The following TFB1M variants were observed in gnomAD, a reference collection of about 807,000 sequenced individuals.
TFB1M encodes the protein transcription factor B1, mitochondrial.
A neutral mutation model predicts 31.1 loss-of-function variants in TFB1M; 27 were observed. The observed-to-expected ratio is 0.87, with a 90% CI of 0.64 to 1.20. TFB1M has a LOEUF of 1.20. Ranked by LOEUF, TFB1M falls within the 50% of genes most tolerant of loss-of-function variation. The pLI, the probability that TFB1M is intolerant of heterozygous loss-of-function variation, is 0.00. For missense variants in TFB1M, 394 were observed against 418.7 expected, an observed-to-expected ratio of 0.94 and a Z score of 0.51; for synonymous variants, 166 against 151.8, an observed-to-expected ratio of 1.09 and a Z score of -0.69.
At chr6:155,273,326 G>GT (rs1196161921) in intron 5 of TFB1M, among the ~76,000 whole-genome samples, 1 of 152,108 alleles carries the variant, frequency 6.6e-6, no homozygotes, top group Non-Finnish European at 1.5e-5. Flanking sequence ...TTCTAAAATG[G>GT]TAAGATTTAC....
intron 5 of TFB1M, among the ~76,000 whole-genome samples, chr6:155,281,644 C>A (rs190709584): frequency 4.0e-5 from 6 of 148,568 alleles, no homozygotes; most frequent in Admixed American, 1.4e-4. Context: ...ATCATTTGAA[C>A]CCAGAAGGTG....
At chr6:155,299,640 T>C (rs1291558401) in intron 2 of TFB1M, 2 of 152,200 alleles carry the variant, frequency 1.3e-5, no homozygotes, top group African/African-American at 2.4e-5. Context: ...GCCAAGATTC[T>C]AGAATGTGCC....
chr6:155,251,954 G>A (rs780771831), downstream of TFB1M: 1 of 1,603,960 alleles, frequency 6.2e-7, no homozygotes, highest in South Asian at 1.1e-5. Context: ...GTTTTTAAGA[G>A]AGCCGTCATA....
At chr6:155,234,751 G>T in the TFB1M span, among the ~76,000 whole-genome samples, 1 of 152,202 alleles carries the variant, frequency 6.6e-6, no homozygotes, top group Non-Finnish European at 1.5e-5. Context: ...GGTGGAATAG[G>T]CTCAATAGAT....
chr6:155,252,063 C>T (rs111273707), downstream of TFB1M: 2,750 of 1,397,070 alleles, frequency 2.0e-3, 35 homozygotes, highest in African/African-American at 0.029. Flanking sequence ...TTCCTATTAA[C>T]GTTGAACTGA....
Position 155,256,616 on chromosome 6 carries a change from CG to C in TFB1M, c.*1219del. ...GGCACCCAGAGCAGCGGCTGCCCCA[CG>C]GCTGAGGGCAGGCAGGACTCCAAGA... is the stretch of plus-strand genomic sequence containing the variant. On this transcript the variant is annotated 3_prime_UTR_variant, in exon 7 of 7. Coordinates refer to ENST00000367166, the MANE Select transcript of TFB1M (RefSeq NM_016020.4). 6.2e-7 allele frequency: 1 copy of C among 1,614,126 alleles called. No individual in the cohort carries two copies. The highest frequency in any genetic ancestry group is 8.5e-7 in the Non-Finnish European group (1 of 1,180,022).
chr6:155,288,542 A>G (rs1307899193), intron 4 of TFB1M, among the ~76,000 whole-genome samples: 1 of 152,238 alleles, frequency 6.6e-6, no homozygotes, highest in Non-Finnish European at 1.5e-5. Flanking sequence ...AAATTTTAAT[A>G]TCCAACTGGC....
chr6:155,231,121 C>T, the TFB1M span, among the ~76,000 whole-genome samples: 9 of 152,208 alleles, frequency 5.9e-5, no homozygotes, highest in South Asian at 6.2e-4. Flanking sequence ...GGATTATAGG[C>T]GTGAGCCACT....
chr6:155,231,812 C>T, the TFB1M span, among the ~76,000 whole-genome samples: 5 of 152,232 alleles, frequency 3.3e-5, no homozygotes, highest in South Asian at 2.1e-4. Context: ...TGGTGGCTTG[C>T]GCCTGTAATC....
chr6:155,255,994 A>G (rs536847813), downstream of TFB1M: 47 of 194,674 alleles, frequency 2.4e-4, 1 homozygote, highest in South Asian at 3.2e-3. Flanking sequence ...TGGGTGGCAG[A>G]GCAAGACACT....
At chr6:155,307,121 C>T (rs983238698) in intron 2 of TFB1M, among the ~76,000 whole-genome samples, 1 of 138,070 alleles carries the variant, frequency 7.2e-6, no homozygotes, top group African/African-American at 2.7e-5. Context: ...AGAGTGAGAC[C>T]ATGTCTCAAA....
chr6:155,266,802 G>A (rs1381116887), intron 5 of TFB1M, among the ~76,000 whole-genome samples: 3 of 135,788 alleles, frequency 2.2e-5, no homozygotes, highest in East Asian at 2.3e-4. Context: ...AGCTGAGATC[G>A]TGCCACTGCA....
chr6:155,299,836 C>A (rs1777346703), intron 2 of TFB1M, among the ~76,000 whole-genome samples: 1 of 152,164 alleles, frequency 6.6e-6, no homozygotes, highest in Non-Finnish European at 1.5e-5. Flanking sequence ...GACACTGGAC[C>A]AAGAAACATG....
the TFB1M span, among the ~76,000 whole-genome samples, chr6:155,237,090 C>T: frequency 4.6e-5 from 7 of 152,350 alleles, no homozygotes; most frequent in African/African-American, 1.7e-4. Context: ...AAATCAAAAG[C>T]AAGTTAGTTA....
intron 4 of TFB1M, 150 bp from the exon 5 acceptor site, chr6:155,285,427 A>C: frequency 1.2e-6 from 1 of 830,462 alleles, no homozygotes. Flanking sequence ...ACACACAGCA[A>C]ACATGGGGAA....
the TFB1M span, among the ~76,000 whole-genome samples, chr6:155,235,934 T>C: frequency 0.14 from 20,751 of 152,216 alleles, 1,639 homozygotes; most frequent in Non-Finnish European, 0.19. Context: ...TCTCACCAGA[T>C]GCCATTTAAC....
At chr6:155,274,642 C>T (rs1376420524) in intron 5 of TFB1M, among the ~76,000 whole-genome samples, 2 of 152,166 alleles carry the variant, frequency 1.3e-5, no homozygotes, top group East Asian at 1.9e-4. Flanking sequence ...GTACCAGGCA[C>T]CTGAAGTAAA....
chr6:155,296,639 G>A (rs770905991), intron 4 of TFB1M, among the ~76,000 whole-genome samples: 12 of 152,020 alleles, frequency 7.9e-5, no homozygotes, highest in Non-Finnish European at 1.2e-4. Flanking sequence ...AAGGTATCAC[G>A]TGCCAATCCT....
At chr6:155,310,750 AC>A in intron 2 of TFB1M, 1 of 172,436 alleles carries the variant, frequency 5.8e-6, no homozygotes, top group East Asian at 1.5e-4. Flanking sequence ...ATGATGACAA[AC>A]GTGCATATGT....
Sources: gnomAD v4.1 joint callset for allele counts (sites outside exome capture counted in the v4.1 genomes callset) on GRCh38, gnomAD v4.1.1 for gene constraint, MANE v1.5 for transcripts, NCBI Gene and HGNC (gene_info 2026-07-23, HGNC 2026-07-21) for gene names.